BBS9: variants seen among roughly 807,000 people sequenced by gnomAD.
BBS9 encodes Bardet-Biedl syndrome 9.
BBS9 carries 89 observed loss-of-function variants against 117.7 expected under a neutral mutation model. The observed-to-expected ratio is 0.76, with a 90% CI of 0.64 to 0.90. The LOEUF is 0.90. Among genes scored for constraint, BBS9 ranks in the 40% least tolerant of loss-of-function variants. The pLI is 0.00. For synonymous variants in BBS9, 379 were observed against 370.9 expected, an observed-to-expected ratio of 1.02 and a Z score of -0.25; for missense variants, 982 against 1,042.2, an observed-to-expected ratio of 0.94 and a Z score of 0.80.
At chr7:33,354,587 G>A (rs553555673) in intron 15 of BBS9, among the ~76,000 whole-genome samples, 2 of 152,108 alleles carry the variant, frequency 1.3e-5, no homozygotes, top group South Asian at 4.1e-4. Context: ...CCCCTGGAAA[G>A]AGTTCTAAAG....
intron 9 of BBS9, among the ~76,000 whole-genome samples, chr7:33,329,590 CCT>C (rs1226586733): frequency 5.4e-5 from 8 of 148,810 alleles, no homozygotes. Context: ...ATATTCCCCC[CCT>C]ATCATTTGGG....
intron 9 of BBS9, among the ~76,000 whole-genome samples, chr7:33,305,570 A>C (rs547244326): frequency 5.7e-4 from 86 of 152,200 alleles, no homozygotes; most frequent in African/African-American, 2.0e-3. Context: ...TTTTTATTAC[A>C]GCTTTCATCT....
intron 19 of BBS9, among the ~76,000 whole-genome samples, chr7:33,424,024 C>T (rs1258819944): frequency 1.3e-5 from 2 of 151,972 alleles, no homozygotes; most frequent in South Asian, 2.1e-4. Flanking sequence ...TTTTTTTGCT[C>T]CGGCCACCAG....
intron 19 of BBS9, among the ~76,000 whole-genome samples, chr7:33,391,709 A>G (rs989354308): frequency 1.3e-5 from 2 of 151,976 alleles, no homozygotes; most frequent in Non-Finnish European, 2.9e-5. Context: ...TATCATGTTC[A>G]TCTTTGTCTT....
chr7:33,388,822 T>C (rs1011522332), intron 19 of BBS9, among the ~76,000 whole-genome samples: 5 of 152,238 alleles, frequency 3.3e-5, no homozygotes, highest in African/African-American at 7.2e-5. Flanking sequence ...TCTGTTATAA[T>C]GTCTTTGAAT....
At chr7:33,496,065 C>T (rs941549678) in intron 19 of BBS9, among the ~76,000 whole-genome samples, 7 of 152,094 alleles carry the variant, frequency 4.6e-5, no homozygotes, top group African/African-American at 1.7e-4. Context: ...CATGATCATA[C>T]CTTAGTGTTT....
At chr7:33,527,542 C>A (rs533767846) in intron 20 of BBS9, among the ~76,000 whole-genome samples, 22 of 152,284 alleles carry the variant, frequency 1.4e-4, no homozygotes, top group Non-Finnish European at 2.5e-4. Flanking sequence ...TTCTTTGACT[C>A]GGAAAGGGAA....
chr7:33,270,909 A>T (rs7793123), intron 7 of BBS9, among the ~76,000 whole-genome samples: 4,280 of 152,278 alleles, frequency 0.028, 216 homozygotes, highest in African/African-American at 0.098. Flanking sequence ...ACACATAATC[A>T]TCAGATTCTA....
At chr7:33,198,737 A>C (rs189425242) in intron 5 of BBS9, among the ~76,000 whole-genome samples, 6 of 152,126 alleles carry the variant, frequency 3.9e-5, no homozygotes, top group African/African-American at 4.8e-5. Flanking sequence ...GTAACAGGAA[A>C]CTTTATAATA....
intron 21 of BBS9, among the ~76,000 whole-genome samples, chr7:33,568,380 G>C (rs1364424267): frequency 6.6e-6 from 1 of 152,080 alleles, no homozygotes; most frequent in Admixed American, 6.5e-5. Flanking sequence ...CACTTAACCA[G>C]AGTTTTGTGT....
chr7:33,520,214 G>A (rs75494347), intron 20 of BBS9, among the ~76,000 whole-genome samples: 3,379 of 152,122 alleles, frequency 0.022, 55 homozygotes, highest in East Asian at 0.055. Context: ...AGGGTTCACC[G>A]TCTTGGCCAG....
intron 19 of BBS9, among the ~76,000 whole-genome samples, chr7:33,427,594 C>G (rs1336425185): frequency 1.3e-5 from 2 of 151,912 alleles, no homozygotes; most frequent in East Asian, 3.9e-4. Context: ...AATGAAATAC[C>G]AAATGGTGCT....
At chr7:33,188,492 C>G (rs1583537511) in intron 5 of BBS9, among the ~76,000 whole-genome samples, 1 of 152,128 alleles carries the variant, frequency 6.6e-6, no homozygotes, top group African/African-American at 2.4e-5. Context: ...GGATATAGTG[C>G]TCTTCAAGAG....
intron 18 of BBS9, 25 bp from the exon 19 acceptor site, chr7:33,387,967 C>T (rs1826332727): frequency 6.2e-7 from 1 of 1,610,820 alleles, no homozygotes; most frequent in Non-Finnish European, 8.5e-7. Flanking sequence ...CATTTAATCT[C>T]AATTTAAGAA....
At chr7:33,284,510 A>T (rs1345528456) in intron 9 of BBS9, among the ~76,000 whole-genome samples, 1 of 152,128 alleles carries the variant, frequency 6.6e-6, no homozygotes, top group Non-Finnish European at 1.5e-5. Context: ...ATATATCTGT[A>T]TGATGATATT....
At chr7:33,268,072 A>T (rs924840775) in intron 7 of BBS9, among the ~76,000 whole-genome samples, 2 of 152,154 alleles carry the variant, frequency 1.3e-5, no homozygotes, top group African/African-American at 2.4e-5. Flanking sequence ...CTCAGGCAAG[A>T]TCCTTCTTAG....
chr7:33,305,806 G>T (rs1327514486), intron 9 of BBS9, among the ~76,000 whole-genome samples: 1 of 150,746 alleles, frequency 6.6e-6, no homozygotes, highest in Non-Finnish European at 1.5e-5. Flanking sequence ...TTTTTCTTAC[G>T]CTGGCTGAGG....
At chr7:33,632,297 C>G (rs1185760752) in intron 21 of BBS9, among the ~76,000 whole-genome samples, 1 of 152,238 alleles carries the variant, frequency 6.6e-6, no homozygotes, top group Admixed American at 6.5e-5. Context: ...GAAATGTTCA[C>G]TCTTCAATGT....
intron 5 of BBS9, among the ~76,000 whole-genome samples, chr7:33,234,951 AT>A (rs35546396): frequency 0.15 from 22,197 of 151,854 alleles, 1,968 homozygotes; most frequent in South Asian, 0.23. Context: ...TAATATAATC[AT>A]TTTTTCTCCT....
Sources: gnomAD v4.1 joint callset for allele counts (sites outside exome capture counted in the v4.1 genomes callset) on GRCh38, gnomAD v4.1.1 for gene constraint, MANE v1.5 for transcripts, NCBI Gene and HGNC (gene_info 2026-07-23, HGNC 2026-07-21) for gene names.